The following FAF1 variants were observed in gnomAD, a reference collection of about 807,000 sequenced individuals.
FAF1 encodes the protein Fas associated factor 1.
In FAF1, 25 loss-of-function variants were observed where a neutral mutation model predicts 92.5. The ratio of observed to expected loss-of-function variants is 0.27; its 90% CI spans 0.20 to 0.38. FAF1 has a LOEUF of 0.38. Ranked by LOEUF, FAF1 falls within the 10% of genes least tolerant of loss-of-function variation. The pLI is 1.00. For synonymous variants in FAF1, 234 were observed against 273.2 expected, an observed-to-expected ratio of 0.86 and a Z score of 1.42; for missense variants, 636 against 793.3, an observed-to-expected ratio of 0.80 and a Z score of 2.38.
intron 1 of FAF1, among the ~76,000 whole-genome samples, chr1:50,900,577 G>C (rs761122076): frequency 1.3e-5 from 2 of 152,076 alleles, no homozygotes; most frequent in Non-Finnish European, 2.9e-5. Context: ...GCCAGAGCAA[G>C]TTACTTCACC....
chr1:50,444,861 A>G (rs1021958892), intron 18 of FAF1, among the ~76,000 whole-genome samples: 1 of 141,516 alleles, frequency 7.1e-6, no homozygotes, highest in African/African-American at 2.5e-5. Flanking sequence ...TCTAAAGCTG[A>G]TGATATGAAT....
chr1:50,819,730 CATATATATACATATATATAT>C (rs1420222135), intron 2 of FAF1, among the ~76,000 whole-genome samples: 2 of 35,886 alleles, frequency 5.6e-5, no homozygotes, highest in African/African-American at 1.2e-4. Flanking sequence ...TATATATATA[CATATATATACATATATATAT>C]ACATATATAT....
At chr1:50,732,754 T>G (rs1658980683) in intron 6 of FAF1, among the ~76,000 whole-genome samples, 1 of 152,162 alleles carries the variant, frequency 6.6e-6, no homozygotes, top group Non-Finnish European at 1.5e-5. Context: ...TTTATTTTTC[T>G]TTTTGCCATC....
intron 1 of FAF1, among the ~76,000 whole-genome samples, chr1:50,899,807 A>G (rs1644782478): frequency 6.6e-6 from 1 of 152,166 alleles, no homozygotes; most frequent in South Asian, 2.1e-4. Flanking sequence ...GATCTTTCTC[A>G]GGCTTCTTTC....
intron 6 of FAF1, among the ~76,000 whole-genome samples, chr1:50,713,765 T>C (rs1330526083): frequency 3.4e-5 from 5 of 148,586 alleles, no homozygotes; most frequent in South Asian, 2.1e-4. Flanking sequence ...GCCTGGCAAA[T>C]GTAAAAGCTT....
chr1:50,920,194 G>A (rs986190808), intron 1 of FAF1, among the ~76,000 whole-genome samples: 4 of 151,866 alleles, frequency 2.6e-5, no homozygotes, highest in East Asian at 1.9e-4. Flanking sequence ...CCAGCTACTC[G>A]GGAGGCTGAG....
At chr1:50,701,075 G>T (rs544215859) in intron 7 of FAF1, among the ~76,000 whole-genome samples, 2 of 151,988 alleles carry the variant, frequency 1.3e-5, no homozygotes, top group Admixed American at 6.6e-5. Context: ...ATGCATAATC[G>T]TCTTTTCTGA....
chr1:50,594,865 C>A, intron 9 of FAF1, among the ~76,000 whole-genome samples: 1 of 140,342 alleles, frequency 7.1e-6, no homozygotes, highest in African/African-American at 2.7e-5. Context: ...GAGTGAAACC[C>A]CATCTCAAAA....
At chr1:50,763,102 A>G (rs1400345032) in intron 4 of FAF1, among the ~76,000 whole-genome samples, 2 of 151,922 alleles carry the variant, frequency 1.3e-5, no homozygotes, top group Non-Finnish European at 2.9e-5. Context: ...TAAAAATACA[A>G]AAAAATTAGC....
chr1:50,621,168 C>T (rs2124175656), intron 8 of FAF1, among the ~76,000 whole-genome samples: 1 of 152,308 alleles, frequency 6.6e-6, no homozygotes, highest in East Asian at 1.9e-4. Flanking sequence ...AGTCCCACAG[C>T]TCAGGGTGGG....
intron 13 of FAF1, among the ~76,000 whole-genome samples, chr1:50,541,169 T>TTA (rs775127819): frequency 2.0e-4 from 30 of 152,180 alleles, no homozygotes; most frequent in Non-Finnish European, 3.5e-4. Flanking sequence ...TCTCAGAAAT[T>TTA]TAGACTGAAT....
chr1:50,760,384 A>T (rs914733447), intron 4 of FAF1, among the ~76,000 whole-genome samples: 2 of 152,110 alleles, frequency 1.3e-5, no homozygotes, highest in African/African-American at 2.4e-5. Context: ...CAGAACATAC[A>T]TTTTTTTCAG....
chr1:50,750,615 T>C (rs1659818329), intron 4 of FAF1, among the ~76,000 whole-genome samples: 1 of 149,648 alleles, frequency 6.7e-6, no homozygotes, highest in East Asian at 2.0e-4. Context: ...TTTATCCTTT[T>C]TCTTTTCTTT....
Position 50,519,362 on chromosome 1 carries a change from AGGAAGGAAGGAGGGAG to A in FAF1, c.1494+15991_1494+16006del, listed in dbSNP as rs1433768864. ...AAGGAAGGAATGAAGGAAGGAAGGAAGGAAGGAAGGAGGGAGGGAGGGAGGGAGGGAGGGAAGGAGG... is the reference window on the plus strand; with the variant it reads ...AAGGAAGGAATGAAGGAAGGAAGGAAGGAGGGAGGGAGGGAGGGAAGGAGG... On this transcript the variant is annotated intron_variant, in intron 15 of 18. Transcript: ENST00000396153. Among the ~76,000 whole-genome samples the A allele has an allele frequency of 1.4e-3, 149 of 104,686 alleles. 1 individual carries two copies. Among genetic ancestry groups the A allele is most frequent in the Non-Finnish European group, 2.4e-3 (123 of 51,694 alleles). The allele number at this position is 104,686 out of a possible 152,430, so 68.7% of individuals were successfully genotyped here.
At chr1:50,956,398 T>C (rs1645267060) in intron 1 of FAF1, among the ~76,000 whole-genome samples, 1 of 152,206 alleles carries the variant, frequency 6.6e-6, no homozygotes, top group South Asian at 2.1e-4. Context: ...CTCAAAGGTT[T>C]TTCCACATTT....
At chr1:50,552,699 G>T (rs1217635416) in intron 13 of FAF1, among the ~76,000 whole-genome samples, 4 of 152,064 alleles carry the variant, frequency 2.6e-5, no homozygotes, top group Non-Finnish European at 5.9e-5. Flanking sequence ...ATAGAAAAAT[G>T]GGCTCATTTC....
chr1:50,513,445 G>A (rs953910480), intron 15 of FAF1, among the ~76,000 whole-genome samples: 8 of 152,022 alleles, frequency 5.3e-5, no homozygotes, highest in Non-Finnish European at 7.4e-5. Flanking sequence ...AGATGAGATC[G>A]CGCCATTGCA....
chr1:50,880,264 C>T (rs1489722674), intron 1 of FAF1, among the ~76,000 whole-genome samples: 2 of 151,940 alleles, frequency 1.3e-5, no homozygotes, highest in African/African-American at 4.8e-5. Context: ...AATAAGATTT[C>T]TGTTAATTAA....
intron 7 of FAF1, among the ~76,000 whole-genome samples, chr1:50,689,470 A>C (rs1195227505): frequency 6.6e-6 from 1 of 152,114 alleles, no homozygotes; most frequent in Non-Finnish European, 1.5e-5. Context: ...TGCGGTCCGG[A>C]CTGCTCAGGA....
Sources: allele counts gnomAD v4.1 joint callset (sites outside exome capture counted in the v4.1 genomes callset), GRCh38; gene constraint gnomAD v4.1.1; transcripts MANE v1.5; gene names NCBI Gene and HGNC (gene_info 2026-07-23, HGNC 2026-07-21).